Variants in NAALADL2 observed in about 807,000 individuals in gnomAD.
NAALADL2 encodes N-acetylated alpha-linked acidic dipeptidase like 2.
In NAALADL2, 76 loss-of-function variants were observed where a neutral mutation model predicts 87.2. The ratio of observed to expected loss-of-function variants is 0.87; its 90% CI spans 0.72 to 1.05. NAALADL2 has a LOEUF of 1.05. Among genes scored for constraint, NAALADL2 ranks in the 50% least tolerant of loss-of-function variants. The pLI is 0.00. For synonymous variants in NAALADL2, 354 were observed against 331.0 expected, an observed-to-expected ratio of 1.07 and a Z score of -0.75; for missense variants, 1,089 against 945.8, an observed-to-expected ratio of 1.15 and a Z score of -1.99.
intron 1 of NAALADL2, among the ~76,000 whole-genome samples, chr3:174,452,720 A>G (rs985658802): frequency 6.6e-6 from 1 of 151,992 alleles, no homozygotes; most frequent in Non-Finnish European, 1.5e-5. Flanking sequence ...AATCCACCTT[A>G]TTACACAGTC....
At chr3:175,583,744 G>A (rs1720134283) in intron 10 of NAALADL2, among the ~76,000 whole-genome samples, 1 of 152,118 alleles carries the variant, frequency 6.6e-6, no homozygotes, top group South Asian at 2.1e-4. Context: ...GCACTCACAG[G>A]TTTTTAATTA....
At chr3:174,958,944 A>C (rs549529262) in intron 1 of NAALADL2, among the ~76,000 whole-genome samples, 10 of 152,224 alleles carry the variant, frequency 6.6e-5, no homozygotes, top group Non-Finnish European at 1.2e-4. Context: ...TGTAATAACT[A>C]TCATTCAAAA....
chr3:174,604,165 A>T (rs1464456189), intron 2 of NAALADL2, among the ~76,000 whole-genome samples: 1 of 152,244 alleles, frequency 6.6e-6, no homozygotes, highest in Admixed American at 6.5e-5. Flanking sequence ...AGATGTGCTG[A>T]TAGTGGGATG....
intron 3 of NAALADL2, among the ~76,000 whole-genome samples, chr3:174,743,159 C>T (rs188704289): frequency 4.6e-5 from 7 of 151,596 alleles, no homozygotes; most frequent in Non-Finnish European, 4.4e-5. Flanking sequence ...CAAGAAGTGG[C>T]GTATGTTTAG....
intron 2 of NAALADL2, among the ~76,000 whole-genome samples, chr3:175,180,427 T>A (rs902786254): frequency 6.6e-6 from 1 of 151,962 alleles, no homozygotes; most frequent in Non-Finnish European, 1.5e-5. Context: ...ATTACAGAAT[T>A]CCAGTAAAAG....
intron 9 of NAALADL2, among the ~76,000 whole-genome samples, chr3:175,540,161 A>G (rs1456799762): frequency 2.0e-5 from 3 of 152,212 alleles, no homozygotes; most frequent in African/African-American, 7.2e-5. Flanking sequence ...TCAGTTGATA[A>G]TAAGTGCTGT....
intron 11 of NAALADL2, among the ~76,000 whole-genome samples, chr3:175,732,070 CTA>C (rs1305964084): frequency 6.6e-6 from 1 of 152,120 alleles, no homozygotes; most frequent in Non-Finnish European, 1.5e-5. Flanking sequence ...TTATGTCAAT[CTA>C]TTGCACACAA....
chr3:174,797,292 G>GTTT (rs1468962061), intron 3 of NAALADL2, among the ~76,000 whole-genome samples: 6 of 109,638 alleles, frequency 5.5e-5, no homozygotes, highest in South Asian at 3.1e-4. Flanking sequence ...TTTTTCTTTT[G>GTTT]TTTTTCTTTT....
chr3:175,475,133 C>T (rs1335003628), intron 9 of NAALADL2, among the ~76,000 whole-genome samples: 4 of 151,670 alleles, frequency 2.6e-5, no homozygotes, highest in African/African-American at 9.7e-5. Flanking sequence ...GTTCTATAGA[C>T]ATCAGTGGAG....
rs573541553 is a variant in NAALADL2, at chr3:175,717,887, G to A, written c.1897-19419G>A. Reference sequence around the variant, plus strand: ...TGCAGTGGCACAATCTTGGCCCACCGCAACCTTCACCTCCCGGGCTCAAGA... The same window carrying A: ...TGCAGTGGCACAATCTTGGCCCACCACAACCTTCACCTCCCGGGCTCAAGA... On this transcript the variant is annotated intron_variant, in intron 11 of 13. Transcript: ENST00000454872. 2.1e-3 allele frequency among the ~76,000 whole-genome samples: 288 copies of A among 138,676 alleles called. 2 individuals are homozygous for A. The highest frequency in any genetic ancestry group is 4.3e-3 in the Admixed American group (55 of 12,754). 91.0% of individuals were successfully genotyped at this position (138,676 alleles called of 152,430 possible). A position where few individuals can be genotyped will look rare whatever the true frequency, so the allele number is the denominator to read the frequency against.
intron 2 of NAALADL2, among the ~76,000 whole-genome samples, chr3:174,657,701 A>T (rs1373502050): frequency 6.6e-6 from 1 of 152,156 alleles, no homozygotes; most frequent in African/African-American, 2.4e-5. Flanking sequence ...GTACAAACTT[A>T]TAATATCATG....
chr3:175,029,102 C>A (rs182087271), intron 1 of NAALADL2, among the ~76,000 whole-genome samples: 1,858 of 150,996 alleles, frequency 0.012, 17 homozygotes, highest in Non-Finnish European at 0.018. Flanking sequence ...CAAGTTGTCC[C>A]AAATTTATGA....
rs143110334 is a variant in NAALADL2 at position 175,530,524 on chromosome 3, G to A, written c.1654-45517G>A. ...GTCCTTCAGGAATGTCCTAGAAAAG[G>A]GCTGTAATGCTGCAGCTGTCCACTT... On this transcript the variant is annotated intron_variant, in intron 9 of 13. Transcript: ENST00000454872. Among the ~76,000 whole-genome samples, 1,422 of 152,238 alleles carry A rather than the reference G, an allele frequency of 9.3e-3. 46 individuals carry two copies. Among genetic ancestry groups the A allele is most frequent in the Admixed American group, 0.056 (855 of 15,294 alleles).
chr3:175,462,677 G>A (rs951676068), intron 6 of NAALADL2, among the ~76,000 whole-genome samples: 64 of 152,172 alleles, frequency 4.2e-4, no homozygotes, highest in Non-Finnish European at 3.5e-4. Flanking sequence ...CATCAAATAC[G>A]GGATTAACAC....
At chr3:174,587,063 T>C (rs1247484156) in intron 2 of NAALADL2, among the ~76,000 whole-genome samples, 1 of 151,170 alleles carries the variant, frequency 6.6e-6, no homozygotes, top group Non-Finnish European at 1.5e-5. Context: ...ACTTCTCACC[T>C]ATGAGTGAGG....
chr3:174,746,106 A>C (rs541904250), intron 3 of NAALADL2, among the ~76,000 whole-genome samples: 1 of 152,294 alleles, frequency 6.6e-6, no homozygotes, highest in South Asian at 2.1e-4. Context: ...AAAGAAATAA[A>C]GGGTATTCAA....
intron 5 of NAALADL2, among the ~76,000 whole-genome samples, chr3:175,388,627 T>C (rs1023026609): frequency 1.4e-4 from 21 of 152,070 alleles, no homozygotes; most frequent in Non-Finnish European, 2.9e-4. Flanking sequence ...TCAGGCTGAT[T>C]TCTCCCCCAT....
chr3:175,785,361 G>A (rs1751782241), intron 13 of NAALADL2, among the ~76,000 whole-genome samples: 1 of 145,066 alleles, frequency 6.9e-6, no homozygotes, highest in Non-Finnish European at 1.5e-5. Flanking sequence ...AGGTCACTCA[G>A]GACTTGCTTT....
intron 2 of NAALADL2, among the ~76,000 whole-genome samples, chr3:175,200,366 C>G (rs1040399452): frequency 3.3e-5 from 5 of 151,886 alleles, no homozygotes; most frequent in Admixed American, 2.6e-4. Context: ...CTCTCTCTCT[C>G]TTTTTTTCTT....
Sources: allele counts gnomAD v4.1 joint callset (sites outside exome capture counted in the v4.1 genomes callset), GRCh38; gene constraint gnomAD v4.1.1; transcripts MANE v1.5; gene names NCBI Gene and HGNC (gene_info 2026-07-23, HGNC 2026-07-21).